Variants in BTBD3 observed in about 807,000 individuals in gnomAD.
BTBD3 encodes BTB domain containing 3.
BTBD3 carries 14 observed loss-of-function variants against 41.6 expected under a neutral mutation model. That is an observed-to-expected ratio of 0.34 (90% CI 0.22 to 0.53). The LOEUF (loss-of-function observed/expected upper bound fraction) is 0.53. BTBD3 is among the 20% of genes least tolerant of loss of function. The pLI is 0.95. For missense variants in BTBD3, 426 were observed against 654.7 expected (o/e 0.65, Z 3.81); for synonymous variants, 249 against 233.7 (o/e 1.07, Z -0.60).
At chr20:11,919,963 C>T in intron 3 of BTBD3, 127 bp downstream of exon 3, 1 of 805,806 alleles carries the variant, frequency 1.2e-6, no homozygotes. Context: ...GTGCTGCTTA[C>T]CTTGTAAATG....
chr20:11,898,777 T>C (rs988602177), intron 1 of BTBD3, among the ~76,000 whole-genome samples: 1 of 152,190 alleles, frequency 6.6e-6, no homozygotes, highest in Non-Finnish European at 1.5e-5. Flanking sequence ...TCAAGAACAT[T>C]TATAGTTTAT....
chr20:11,891,761 G>T (rs1052152205), intron 1 of BTBD3, among the ~76,000 whole-genome samples: 1 of 152,168 alleles, frequency 6.6e-6, no homozygotes, highest in Non-Finnish European at 1.5e-5. Context: ...GCAACCCATT[G>T]TCCTGTGTGT....
chr20:11,899,891 A>C (rs1280712905), intron 1 of BTBD3, among the ~76,000 whole-genome samples: 1 of 152,266 alleles, frequency 6.6e-6, no homozygotes, highest in East Asian at 1.9e-4. Flanking sequence ...ATACACAATA[A>C]ATAAAAACCA....
upstream of BTBD3, among the ~76,000 whole-genome samples, chr20:11,917,600 T>C (rs2056927011): frequency 6.6e-6 from 1 of 152,358 alleles, no homozygotes; most frequent in South Asian, 2.1e-4. Context: ...CCTTTGTTAA[T>C]TGATCCTGCT....
At chr20:11,915,217 A>C (rs571704015), upstream of BTBD3, among the ~76,000 whole-genome samples, 1 of 152,308 alleles carries the variant, frequency 6.6e-6, no homozygotes, top group African/African-American at 2.4e-5. Context: ...ATCTTTTAAA[A>C]TAATTGGGGC....
rs555363342 is a variant in BTBD3 at position 11,904,522 on chromosome 20, A to G, written c.-126+13568A>G. ...ACAATTACGCTTACGATAAAATCCA[A>G]ACTTCTTATGAAGCTGGGCATCAGC... On this transcript the variant is annotated intron_variant, in intron 1 of 4. Coordinates refer to the BTBD3 transcript ENST00000254977. Among the ~76,000 whole-genome samples, 11 of 152,174 alleles carry G rather than the reference A, an allele frequency of 7.2e-5. No homozygotes were observed. The South Asian group carries it at 8.3e-4, about 11-fold the overall frequency.
chr20:11,919,461 T>TA (rs1460302871), intron 2 of BTBD3: 1 of 1,391,888 alleles, frequency 7.2e-7, no homozygotes, highest in Admixed American at 3.0e-5. Context: ...TCCTAGAAAT[T>TA]AGTTATGTAA....
In BTBD3 at chr20:11,922,794, T is replaced by C; in HGVS notation, c.697T>C (p.Cys233Arg). Residue 233 changes from cysteine (C) to arginine (R), a missense_variant, in exon 4 of 4, where the codon TGC becomes CGC. Around this residue, in one of 3 missense-constraint regions of BTBD3, gnomAD observed 321 missense variants for 534.8 expected, o/e 0.60. Coordinates refer to ENST00000378226, the MANE Select transcript of BTBD3 (RefSeq NM_014962.4). ...KNACVLLSQS[C>R]LFEEPDLTQR... ...TGCCTGTGTGCTCCTCTCCCAGAGC[T>C]GCCTGTTCGAGGAGCCAGACCTGAC... is the stretch of plus-strand genomic sequence containing the variant. 1.2e-6 allele frequency: 2 copies of C among 1,614,222 alleles called. No individual in the cohort carries two copies. The highest frequency in any genetic ancestry group is 1.7e-6 in the Non-Finnish European group (2 of 1,180,034).
intron 1 of BTBD3, among the ~76,000 whole-genome samples, chr20:11,901,980 G>A (rs1457210478): frequency 2.6e-5 from 4 of 152,092 alleles, no homozygotes; most frequent in African/African-American, 9.7e-5. Flanking sequence ...TTGGATGCTA[G>A]CTCTAGTAAA....
chr20:11,919,950 A>G, intron 3 of BTBD3, 114 bp downstream of exon 3: 1 of 892,352 alleles, frequency 1.1e-6, no homozygotes. Flanking sequence ...ATGAAGAAAG[A>G]GGGTGCTGCT....
At chr20:11,901,660 T>A (rs2056824431) in intron 1 of BTBD3, among the ~76,000 whole-genome samples, 1 of 152,146 alleles carries the variant, frequency 6.6e-6, no homozygotes, top group Non-Finnish European at 1.5e-5. Flanking sequence ...TTATAAGTGA[T>A]CCCCCCAAAA....
At chr20:11,921,056 A>G (rs562608224) in intron 3 of BTBD3, among the ~76,000 whole-genome samples, 1 of 152,364 alleles carries the variant, frequency 6.6e-6, no homozygotes, top group South Asian at 2.1e-4. Flanking sequence ...AGATATATGT[A>G]CAGAAACCAG....
At chr20:11,922,608 A>G (rs755017888) in intron 3 of BTBD3, 26 bp from the exon 4 acceptor site, 23 of 1,568,754 alleles carry the variant, frequency 1.5e-5, no homozygotes, top group Non-Finnish European at 1.7e-5. Context: ...TGAAAATTCC[A>G]CTTACATGTT....
chr20:11,905,711 A>T lies in BTBD3; in HGVS notation c.-125-12623A>T, dbSNP rs958218226. Among the ~76,000 whole-genome samples, 3 of 152,332 alleles carry T rather than the reference A, an allele frequency of 2.0e-5. No homozygotes were observed. The East Asian group carries it at 5.8e-4, about 29-fold the overall frequency. On this transcript the variant is annotated intron_variant, in intron 1 of 4. Coordinates refer to the BTBD3 transcript ENST00000254977. The stretch of plus-strand genomic sequence containing the variant: ...TTCAGATGGCTTAGAAACCAGCAGC[A>T]TCAATAGTAATAAAAGTTACAGAGC...
Position 11,917,990 on chromosome 20 carries a change from C to G in BTBD3, c.-286C>G. On this transcript the variant is annotated 5_prime_UTR_variant, in exon 1 of 4. The change creates a new upstream start codon in the 5' untranslated region. Transcript: ENST00000378226. The stretch of plus-strand genomic sequence containing the variant: ...AGTGCTACAGCTCTGTGCCTGTCAT[C>G]TTTGCAGTGTAGCATTTTCAGGTGA... The G allele has an allele frequency of 8.8e-7, 1 of 1,139,170 alleles. No homozygotes were observed. The allele number at this position is 1,139,170 out of a possible 1,614,324, so 70.6% of individuals were successfully genotyped here.
At position 11,918,034 on chromosome 20, in the gene BTBD3, T is replaced by C; in HGVS notation, c.-242T>C. ...CAGGTGATCTAGGAAACAGTTATTT[T>C]TATGAGCAAATAAGAGAAACAGGAA... is the stretch of plus-strand genomic sequence containing the variant. On this transcript the variant is annotated 5_prime_UTR_variant, in exon 1 of 4. Transcript: ENST00000378226. 1 of 1,244,926 alleles carries C rather than the reference T, an allele frequency of 8.0e-7. No homozygotes were observed. Among genetic ancestry groups the C allele is most frequent in the African/African-American group, 1.5e-5 (1 of 65,156 alleles). 77.1% of individuals were successfully genotyped at this position (1,244,926 alleles called of 1,614,324 possible). A position where few individuals can be genotyped will look rare whatever the true frequency, so the allele number is the denominator to read the frequency against.
intron 2 of BTBD3, 117 bp downstream of exon 2, chr20:11,919,293 G>C (rs73897036): frequency 4.5e-6 from 6 of 1,341,628 alleles, no homozygotes; most frequent in African/African-American, 3.0e-5. Flanking sequence ...TGTTTCACTC[G>C]ATTAGGGAGA....
At chr20:11,895,877 C>G (rs1309909559) in intron 1 of BTBD3, among the ~76,000 whole-genome samples, 1 of 152,198 alleles carries the variant, frequency 6.6e-6, no homozygotes, top group Non-Finnish European at 1.5e-5. Context: ...TTCCCTCTCT[C>G]AAGTTGGCTG....
intron 1 of BTBD3, among the ~76,000 whole-genome samples, chr20:11,900,691 A>C (rs1227419779): frequency 6.8e-6 from 1 of 146,684 alleles, no homozygotes; most frequent in Non-Finnish European, 1.5e-5. Context: ...AGTCAAATAT[A>C]ATAAAGTCCA....
Sources: allele counts gnomAD v4.1 joint callset (sites outside exome capture counted in the v4.1 genomes callset), GRCh38; gene constraint gnomAD v4.1.1; regional missense constraint gnomAD v4.1.1; transcripts MANE v1.5; gene names NCBI Gene and HGNC (gene_info 2026-07-23, HGNC 2026-07-21).